Variants in INPP1 observed in about 807,000 individuals in gnomAD.
INPP1 encodes inositol polyphosphate 1-phosphatase.
INPP1 carries 18 observed loss-of-function variants against 23.0 expected under a neutral mutation model. The ratio of observed to expected loss-of-function variants is 0.78; its 90% CI spans 0.54 to 1.16. The LOEUF is 1.16. Ranked by LOEUF, INPP1 falls within the 50% of genes most tolerant of loss-of-function variation. The pLI is 0.00. For missense variants in INPP1, 448 were observed against 482.1 expected (o/e 0.93, Z 0.66); for synonymous variants, 164 against 176.3 (o/e 0.93, Z 0.55).
At chr2:190,366,644 C>G (rs768761542) in intron 4 of INPP1, 51 bp from the exon 5 acceptor site, 1 of 1,272,122 alleles carries the variant, frequency 7.9e-7, no homozygotes, top group South Asian at 1.2e-5. Context: ...TCTGTTCTTT[C>G]TCCACTGAAA....
In INPP1 at chr2:190,364,157, T is replaced by G. The variant is rs74344036; in HGVS notation, c.265+1470T>G. ...GTTAATTTAACTAAATTTGACTGTT[T>G]CTTGCTGATTCAGTCATCACTGTAA... is the stretch of plus-strand genomic sequence containing the variant. On this transcript the variant is annotated intron_variant, in intron 4 of 6. Coordinates refer to ENST00000392329, the MANE Select transcript of INPP1 (RefSeq NM_001128928.2). 2.2e-3 allele frequency among the ~76,000 whole-genome samples: 342 copies of G among 152,332 alleles called. 1 individual carries two copies. The highest frequency in any genetic ancestry group is 7.7e-3 in the African/African-American group (318 of 41,568).
rs1411680121 is a variant in INPP1, at chr2:190,356,167, G to A, written c.-64-3872G>A. The stretch of plus-strand genomic sequence containing the variant: ...GGATACATGGAGAGCCAGGGCCTTG[G>A]AGAAAGGGAAGTAGCTGAACAAATG... On this transcript the variant is annotated intron_variant, in intron 2 of 6. Transcript: ENST00000392329. The surrounding 1 kb of genome is among the most constrained non-coding windows in gnomAD (Gnocchi z 6.4). Among the ~76,000 whole-genome samples, 1 of 152,190 alleles carries A rather than the reference G, an allele frequency of 6.6e-6. No homozygotes were observed. Among genetic ancestry groups the A allele is most frequent in the East Asian group, 1.9e-4 (1 of 5,202 alleles).
intron 1 of INPP1, among the ~76,000 whole-genome samples, chr2:190,347,088 A>G (rs1308410213): frequency 7.5e-6 from 1 of 133,788 alleles, no homozygotes; most frequent in African/African-American, 2.9e-5. Flanking sequence ...CTCGGCTCAC[A>G]GCAACCTCTG....
rs765641528 is a variant in INPP1, at chr2:190,360,164, C to G, written c.62C>G (p.Ala21Gly). ...VSEKAANIARACRQQEALFQL... is the reference protein window; with the variant it reads ...VSEKAANIARGCRQQEALFQL... ...GAGAAGGCTGCTAACATTGCCCGGGCGTGCAGACAGCAGGAAGCCCTCTTC... is the reference window on the plus strand; with the variant it reads ...GAGAAGGCTGCTAACATTGCCCGGGGGTGCAGACAGCAGGAAGCCCTCTTC... The change falls in exon 3 of 7, where the codon GCG (alanine) becomes GGG (glycine). Residue 21 changes from alanine (A) to glycine (G), a missense_variant. Coordinates refer to ENST00000392329, the MANE Select transcript of INPP1 (RefSeq NM_001128928.2). 1 of 1,613,856 alleles carries G rather than the reference C, an allele frequency of 6.2e-7. No individual in the cohort carries two copies. Among genetic ancestry groups the G allele is most frequent in the Non-Finnish European group, 8.5e-7 (1 of 1,180,020 alleles).
chr2:190,358,625 TGAA>T (rs1409064568), intron 2 of INPP1, among the ~76,000 whole-genome samples: 1 of 152,234 alleles, frequency 6.6e-6, no homozygotes, highest in Non-Finnish European at 1.5e-5. Flanking sequence ...TCTGTAACCC[TGAA>T]GAAGTTACTT....
rs554018606 is a variant in INPP1, at chr2:190,354,202, C to T, written c.-65+5171C>T. ...TAAAGCGAATAGCTTTTAGTGGGAA[C>T]GACTGCCTCACAGATGTTTCTTATT... is the stretch of plus-strand genomic sequence containing the variant. On this transcript the variant is annotated intron_variant, in intron 2 of 6. Transcript: ENST00000392329. This position sits in a 1 kb window ranked among gnomAD's most constrained non-coding sequence, Gnocchi z 4.8. Among the ~76,000 whole-genome samples the T allele has an allele frequency of 3.9e-5, 6 of 152,264 alleles. No homozygotes were observed. The highest frequency in any genetic ancestry group is 1.2e-4 in the African/African-American group (5 of 41,560).
At chr2:190,370,811 T>A (rs1309887263) in intron 6 of INPP1, 33 bp from the exon 7 acceptor site, 1 of 1,486,658 alleles carries the variant, frequency 6.7e-7, no homozygotes, top group Non-Finnish European at 9.1e-7. Context: ...ACAAATGTGA[T>A]AATCATCACC....
At position 190,359,552 on chromosome 2, in the gene INPP1, G is replaced by A. The variant is rs573444036; in HGVS notation, c.-64-487G>A. ...AGCCTGGGTGACACAGTGAGACTCC[G>A]TCTCAAAAAAAAAAAAAAAAGAAAG... On this transcript the variant is annotated intron_variant, in intron 2 of 6. Coordinates refer to ENST00000392329, the MANE Select transcript of INPP1 (RefSeq NM_001128928.2). The A allele has an allele frequency of 1.1e-4, 13 of 118,542 alleles. No individual in the cohort carries two copies. In the South Asian group the frequency reaches 1.5e-3, roughly 13 times the overall value. The allele number at this position is 118,542 out of a possible 1,614,324, so 7.3% of individuals were successfully genotyped here.
chr2:190,347,347 C>T (rs1182910752), intron 1 of INPP1, among the ~76,000 whole-genome samples: 1 of 151,268 alleles, frequency 6.6e-6, no homozygotes, highest in Non-Finnish European at 1.5e-5. Context: ...ACTCTCAACC[C>T]CATTCAAAAA....
At chr2:190,370,608 G>A (rs552365566) in intron 6 of INPP1, among the ~76,000 whole-genome samples, 5 of 152,310 alleles carry the variant, frequency 3.3e-5, no homozygotes, top group African/African-American at 1.2e-4. Context: ...AGATTGATGT[G>A]ATAATGCCAT....
chr2:190,367,006 G>A lies in INPP1; in HGVS notation c.466+111G>A. On this transcript the variant is annotated intron_variant, in intron 5 of 6. Transcript: ENST00000392329. The surrounding 1 kb of genome is among the most constrained non-coding windows in gnomAD (Gnocchi z 4.1). ...TATTGAGTGTAGTTTAACTCTGCTA[G>A]AAGTTTTTAAAATTTTAAAGTTTTA... 1.5e-6 allele frequency: 1 copy of A among 685,474 alleles called. No individual in the cohort carries two copies. The highest frequency in any genetic ancestry group is 2.5e-6 in the Non-Finnish European group (1 of 405,620). The allele number at this position is 685,474 out of a possible 1,614,324, so 42.5% of individuals were successfully genotyped here.
Position 190,367,783 on chromosome 2 carries a change from C to G in INPP1, c.466+888C>G, listed in dbSNP as rs898113776. On this transcript the variant is annotated intron_variant, in intron 5 of 6. Coordinates refer to ENST00000392329, the MANE Select transcript of INPP1 (RefSeq NM_001128928.2). The surrounding 1 kb of genome is among the most constrained non-coding windows in gnomAD (Gnocchi z 4.1). ...TTTTTACCATGTTTCCCAGGCTGGT[C>G]TCGAACTCCTGGGTTCAAGCGATCT... 2.0e-5 allele frequency among the ~76,000 whole-genome samples: 3 copies of G among 152,184 alleles called. No individual in the cohort carries two copies. The highest frequency in any genetic ancestry group is 4.1e-4 in the South Asian group (2 of 4,836).
chr2:190,361,146 G>A (rs1689526781), intron 3 of INPP1, among the ~76,000 whole-genome samples: 1 of 152,038 alleles, frequency 6.6e-6, no homozygotes, highest in African/African-American at 2.4e-5. Flanking sequence ...AAAAAGGGAG[G>A]CACAGAGAGG....
chr2:190,364,604 T>G lies in INPP1; in HGVS notation c.265+1917T>G, dbSNP rs76880762. On this transcript the variant is annotated intron_variant, in intron 4 of 6. Transcript: ENST00000392329. ...CTGAGGTTCTGATTTTTTTTTTTTT[T>G]TTGTTAGATGGAGTCTCCCTCTGTT... Among the ~76,000 whole-genome samples, 747 of 112,158 alleles carry G rather than the reference T, an allele frequency of 6.7e-3. 12 individuals carry two copies. Among genetic ancestry groups the G allele is most frequent in the East Asian group, 0.018 (63 of 3,576 alleles). The allele number at this position is 112,158 out of a possible 152,430, so 73.6% of individuals were successfully genotyped here. A position where few individuals can be genotyped will look rare whatever the true frequency, so the allele number is the denominator to read the frequency against.
chr2:190,352,805 A>G lies in INPP1; in HGVS notation c.-65+3774A>G, dbSNP rs1689346488. ...TCCTGGACAGCTGTACCCCCTTGGAAAAGGTCATGAGAAACACCTTCTTGT... is the reference window on the plus strand; with the variant it reads ...TCCTGGACAGCTGTACCCCCTTGGAGAAGGTCATGAGAAACACCTTCTTGT... On this transcript the variant is annotated intron_variant, in intron 2 of 6. Coordinates refer to ENST00000392329, the MANE Select transcript of INPP1 (RefSeq NM_001128928.2). The surrounding 1 kb of genome is among the most constrained non-coding windows in gnomAD (Gnocchi z 4.7). 6.6e-6 allele frequency among the ~76,000 whole-genome samples: 1 copy of G among 152,174 alleles called. No individual in the cohort carries two copies. Among genetic ancestry groups the G allele is most frequent in the African/African-American group, 2.4e-5 (1 of 41,448 alleles).
chr2:190,364,486 G>A (rs1040188010), intron 4 of INPP1, among the ~76,000 whole-genome samples: 1 of 151,060 alleles, frequency 6.6e-6, no homozygotes, highest in Non-Finnish European at 1.5e-5. Context: ...AGCTTGCAGT[G>A]AGCGGAGATC....
intron 1 of INPP1, among the ~76,000 whole-genome samples, chr2:190,347,950 C>T (rs1689251756): frequency 6.6e-6 from 1 of 152,176 alleles, no homozygotes; most frequent in Non-Finnish European, 1.5e-5. Context: ...CCAGCCTGGC[C>T]AACATGGCGA....
intron 4 of INPP1, among the ~76,000 whole-genome samples, chr2:190,365,869 C>A (rs1390319890): frequency 9.0e-5 from 2 of 22,174 alleles, no homozygotes; most frequent in Non-Finnish European, 1.5e-4. Context: ...CTCTCTGTCT[C>A]TCTTGCTCTG....
Position 190,360,271 on chromosome 2 carries a change from G to A in INPP1, c.169G>A (p.Val57Ile), listed in dbSNP as rs1559082858. ...CTTCAAGACGCTGGCTGATGTACTG[G>A]TACAGGAAGTTATAAAACAGAATAT... ...VDFKTLADVL[V>I]QEVIKQNMEN... The change falls in exon 3 of 7, where the codon GTA becomes ATA. Residue 57 changes from valine to isoleucine, a missense_variant. Physicochemically the swap from Val to Ile is conservative, Grantham distance 29. Transcript: ENST00000392329. 1 of 1,614,156 alleles carries A rather than the reference G, an allele frequency of 6.2e-7. No individual in the cohort carries two copies. Among genetic ancestry groups the A allele is most frequent in the South Asian group, 1.1e-5 (1 of 91,084 alleles).
Sources: allele counts gnomAD v4.1 joint callset (sites outside exome capture counted in the v4.1 genomes callset), GRCh38; gene constraint gnomAD v4.1.1; non-coding constraint Gnocchi (gnomAD v3.1); transcripts MANE v1.5; gene names NCBI Gene and HGNC (gene_info 2026-07-23, HGNC 2026-07-21).